The following ABCA13 variants were observed in gnomAD, a reference collection of about 807,000 sequenced individuals.
The protein encoded by ABCA13 is ATP binding cassette subfamily A member 13, also known as ATP-binding cassette sub-family A member 13.
In ABCA13, 476 loss-of-function variants were observed where a neutral mutation model predicts 478.7. The ratio of observed to expected loss-of-function variants is 0.99; its 90% confidence interval spans 0.92 to 1.07. The LOEUF is 1.07. ABCA13 is among the 50% of genes least tolerant of loss of function. ABCA13 has a pLI of 0.00. For synonymous variants in ABCA13, 2,252 were observed against 2,158.9 expected (o/e 1.04, Z -1.20); for missense variants, 6,060 against 5,910.6 (o/e 1.03, Z -0.83).
intron 39 of ABCA13, among the ~76,000 whole-genome samples, chr7:48,408,293 C>G (rs1393967155): frequency 1.3e-5 from 2 of 152,164 alleles, no homozygotes; most frequent in African/African-American, 4.8e-5. Context: ...CTTTGCTTCT[C>G]TTTTGGGAAT....
At chr7:48,456,133 T>C in intron 43 of ABCA13, among the ~76,000 whole-genome samples, 1 of 152,252 alleles carries the variant, frequency 6.6e-6, no homozygotes, top group East Asian at 1.9e-4. Context: ...AACTCAGTGA[T>C]ACTAGTTTAC....
chr7:48,413,106 C>T (rs903770631), intron 41 of ABCA13, among the ~76,000 whole-genome samples: 3 of 152,052 alleles, frequency 2.0e-5, no homozygotes, highest in East Asian at 1.9e-4. Context: ...CCCATGCACC[C>T]GGCCTCTTTT....
At chr7:48,367,251 T>A (rs1811820587) in intron 31 of ABCA13, among the ~76,000 whole-genome samples, 1 of 152,104 alleles carries the variant, frequency 6.6e-6, no homozygotes, top group South Asian at 2.1e-4. Flanking sequence ...ACTGGATAAT[T>A]CTCATTGGAT....
At chr7:48,604,752 C>T (rs993809668) in intron 58 of ABCA13, among the ~76,000 whole-genome samples, 5 of 152,034 alleles carry the variant, frequency 3.3e-5, no homozygotes, top group African/African-American at 1.2e-4. Flanking sequence ...TCTGCTTGGT[C>T]CAGAGCTGAG....
chr7:48,266,011 T>C (rs1166694097), intron 15 of ABCA13, among the ~76,000 whole-genome samples: 2 of 151,772 alleles, frequency 1.3e-5, no homozygotes, highest in Non-Finnish European at 3.0e-5. Flanking sequence ...TCTATTGAGA[T>C]GATTTTTCTT....
At chr7:48,361,415 A>G (rs1178790070) in intron 31 of ABCA13, among the ~76,000 whole-genome samples, 2 of 151,646 alleles carry the variant, frequency 1.3e-5, no homozygotes, top group African/African-American at 4.9e-5. Flanking sequence ...TCCTTATTTT[A>G]AAAATTCATG....
intron 15 of ABCA13, among the ~76,000 whole-genome samples, chr7:48,249,889 G>T (rs1024480925): frequency 6.6e-6 from 1 of 151,530 alleles, no homozygotes; most frequent in Non-Finnish European, 1.5e-5. Context: ...CCTACAATTC[G>T]ATTCAATTCT....
In ABCA13 at chr7:48,273,660, G is replaced by A. The variant is rs748710968; in HGVS notation, c.3994G>A (p.Val1332Ile). The A allele has an allele frequency of 5.0e-6, 8 of 1,607,396 alleles. No individual in the cohort carries two copies. The highest frequency in any genetic ancestry group is 2.2e-5 in the South Asian group (2 of 90,192). Residue 1332 changes from valine (V) to isoleucine (I), a missense_variant, in exon 17 of 62, where the codon GTA (valine) becomes ATA (isoleucine). Physicochemically the swap from Val to Ile is conservative, Grantham distance 29. Coordinates refer to ENST00000435803, the MANE Select transcript of ABCA13 (RefSeq NM_152701.5). ...CATCACTGAGCTAAGAGAAGCAATA[G>A]TATTTCTTAGAAATGTATCACATGA... is the stretch of plus-strand genomic sequence containing the variant. ...NIITELREAI[V>I]FLRNVSHDRD... is the part of the protein sequence containing the mutation.
intron 35 of ABCA13, among the ~76,000 whole-genome samples, chr7:48,384,133 T>C (rs1188224970): frequency 6.6e-6 from 1 of 152,222 alleles, no homozygotes; most frequent in Non-Finnish European, 1.5e-5. Context: ...CTATCCTTGC[T>C]AAGGGTGGTG....
At chr7:48,490,006 T>C (rs1414270744) in intron 48 of ABCA13, among the ~76,000 whole-genome samples, 1 of 152,232 alleles carries the variant, frequency 6.6e-6, no homozygotes, top group Non-Finnish European at 1.5e-5. Context: ...ATTCACAAAA[T>C]GTATTTGTTG....
At chr7:48,618,748 G>T (rs1368289947) in intron 59 of ABCA13, among the ~76,000 whole-genome samples, 2 of 152,224 alleles carry the variant, frequency 1.3e-5, no homozygotes, top group Non-Finnish European at 2.9e-5. Context: ...TGTGCCTGGG[G>T]TGACTGGGGG....
In ABCA13 at chr7:48,281,379, G is replaced by GAAGCCTCT; in HGVS notation, c.8768_8769insTCTAAGCC (p.Ser2924LeufsTer13). 1 of 1,609,146 alleles carries GAAGCCTCT rather than the reference G, an allele frequency of 6.2e-7. No homozygotes were observed. The highest frequency in any genetic ancestry group is 1.1e-5 in the South Asian group (1 of 89,644). ...TTTGTGAAGTTTTCCAGCAGACTGT[G>GAAGCCTCT]AAGCCCTCAGAAGCCATGGAGATGC... On this transcript the variant is annotated frameshift_variant, in exon 19 of 62. Coordinates refer to ENST00000435803, the MANE Select transcript of ABCA13 (RefSeq NM_152701.5). LOFTEE classifies it high-confidence loss of function.
At chr7:48,616,176 A>T (rs1006983253) in intron 59 of ABCA13, among the ~76,000 whole-genome samples, 8 of 152,220 alleles carry the variant, frequency 5.3e-5, no homozygotes, top group African/African-American at 1.9e-4. Context: ...TTTGGTAAAT[A>T]GTCATATGTA....
intron 42 of ABCA13, among the ~76,000 whole-genome samples, chr7:48,436,382 C>T (rs1822831947): frequency 1.3e-5 from 2 of 151,618 alleles, no homozygotes. Flanking sequence ...TCTTTTCTGA[C>T]TTCAGTTATT....
At chr7:48,361,374 G>T (rs73323791) in intron 31 of ABCA13, among the ~76,000 whole-genome samples, 17 of 150,850 alleles carry the variant, frequency 1.1e-4, no homozygotes, top group African/African-American at 4.2e-4. Context: ...TTCCTCTCTC[G>T]GTGTGGTTAC....
At chr7:48,398,407 G>C (rs188364267) in intron 38 of ABCA13, among the ~76,000 whole-genome samples, 2 of 152,282 alleles carry the variant, frequency 1.3e-5, no homozygotes, top group East Asian at 3.9e-4. Context: ...ATAAGATCAT[G>C]TTTTAGGATG....
intron 32 of ABCA13, among the ~76,000 whole-genome samples, chr7:48,369,566 G>T (rs1410556495): frequency 2.0e-5 from 3 of 152,100 alleles, no homozygotes; most frequent in Admixed American, 2.0e-4. Flanking sequence ...GTTGATTTTT[G>T]TATAAGGTGA....
At chr7:48,174,876 T>C (rs142497302) in intron 1 of ABCA13, among the ~76,000 whole-genome samples, 3,870 of 152,336 alleles carry the variant, frequency 0.025, 177 homozygotes, top group African/African-American at 0.088. Flanking sequence ...TGTATACACA[T>C]AATTATTTGA....
intron 23 of ABCA13, among the ~76,000 whole-genome samples, chr7:48,302,280 A>G (rs1423039432): frequency 6.6e-6 from 1 of 152,176 alleles, no homozygotes; most frequent in African/African-American, 2.4e-5. Flanking sequence ...CCCAATTGGC[A>G]TTGATCTCTG....
Sources: allele counts gnomAD v4.1 joint callset (sites outside exome capture counted in the v4.1 genomes callset), GRCh38; gene constraint gnomAD v4.1.1; transcripts MANE v1.5; gene names NCBI Gene and HGNC (gene_info 2026-07-23, HGNC 2026-07-21).